Variants in EYA1 observed in about 807,000 individuals in gnomAD.
EYA1 encodes the protein EYA transcriptional coactivator and phosphatase 1.
Under a neutral mutation model 82.0 loss-of-function variants are expected in EYA1, and 16 were observed. The observed-to-expected ratio is 0.20, with a 90% CI of 0.13 to 0.30. The LOEUF is 0.30. Ranked by LOEUF, EYA1 falls within the 10% of genes least tolerant of loss-of-function variation. EYA1 has a pLI of 1.00. For missense variants in EYA1, 633 were observed against 730.7 expected (o/e 0.87, Z 1.54); for synonymous variants, 261 against 264.4 (o/e 0.99, Z 0.12).
At chr8:71,455,397 A>G (rs1807800879) in intron 2 of EYA1, among the ~76,000 whole-genome samples, 1 of 152,198 alleles carries the variant, frequency 6.6e-6, no homozygotes, top group African/African-American at 2.4e-5. Flanking sequence ...AATCCTCCCT[A>G]ACTCATTTTA....
intron 9 of EYA1, among the ~76,000 whole-genome samples, chr8:71,293,963 T>C (rs62506571): frequency 0.051 from 7,617 of 150,728 alleles, 241 homozygotes; most frequent in Non-Finnish European, 0.077. Flanking sequence ...GTATACAAAT[T>C]GGGAAGGAAG....
At chr8:71,401,195 A>G (rs906021356) in intron 2 of EYA1, among the ~76,000 whole-genome samples, 1 of 152,188 alleles carries the variant, frequency 6.6e-6, no homozygotes, top group Non-Finnish European at 1.5e-5. Context: ...CTTCATACCT[A>G]GGTGACAGAT....
intron 2 of EYA1, among the ~76,000 whole-genome samples, chr8:71,519,806 C>T (rs943369317): frequency 5.9e-5 from 9 of 152,218 alleles, no homozygotes; most frequent in Non-Finnish European, 8.8e-5. Context: ...CTATGGTTGG[C>T]CTAGAAGGGA....
At chr8:71,246,961 C>A (rs1327218044) in intron 11 of EYA1, among the ~76,000 whole-genome samples, 1 of 151,484 alleles carries the variant, frequency 6.6e-6, no homozygotes, top group Non-Finnish European at 1.5e-5. Context: ...ACCCTTCCAG[C>A]ACCTCCCACA....
chr8:71,216,814 G>A lies in EYA1; in HGVS notation c.1238C>T (p.Ala413Val), dbSNP rs1325043214. The change falls in exon 14 of 18, where the codon GCA becomes GTA. Residue 413 changes from alanine to valine, a missense_variant. Transcript: ENST00000340726. Reference sequence around the variant, plus strand: ...TGCCAAACATAAGTTAGCACTGGTTGCTGCAGCAGGAAAGCCATCTGTTCC... The same window carrying A: ...TGCCAAACATAAGTTAGCACTGGTTACTGCAGCAGGAAAGCCATCTGTTCC... ...NFGTDGFPAA[A>V]TSANLCLATG... 2 of 1,614,016 alleles carry A rather than the reference G, an allele frequency of 1.2e-6. No homozygotes were observed. The highest frequency in any genetic ancestry group is 1.3e-5 in the African/African-American group (1 of 74,938).
intron 2 of EYA1, chr8:71,404,021 A>C (rs1830089772): frequency 6.6e-6 from 1 of 152,234 alleles, no homozygotes; most frequent in African/African-American, 2.4e-5. Context: ...CCTTTTTGGA[A>C]TTGATTGTTG....
chr8:71,286,810 T>G (rs962351303), intron 9 of EYA1, among the ~76,000 whole-genome samples: 36 of 149,930 alleles, frequency 2.4e-4, no homozygotes, highest in African/African-American at 8.8e-4. Context: ...TTTTTTTTTT[T>G]TTTTTTTTTT....
chr8:71,209,432 G>A lies in EYA1; in HGVS notation c.1698+1724C>T, dbSNP rs562112925. On this transcript the variant is annotated intron_variant, in intron 17 of 17. Coordinates refer to ENST00000340726, the MANE Select transcript of EYA1 (RefSeq NM_000503.6). The stretch of plus-strand genomic sequence containing the variant: ...TGAGCATGAGGAGACCTGAAGTCAC[G>A]TGTGGGTTTCTACCAGCACCAACCA... Among the ~76,000 whole-genome samples the A allele has an allele frequency of 1.2e-4, 18 of 152,300 alleles. No homozygotes were observed. The South Asian group carries it at 2.5e-3, about 21-fold the overall frequency.
chr8:71,361,620 T>C, intron 1 of EYA1, 27 bp downstream of exon 1: 1 of 975,170 alleles, frequency 1.0e-6, no homozygotes, highest in Non-Finnish European at 1.2e-6. Context: ...GTCACTACAA[T>C]TTTTCAAACA....
intron 2 of EYA1, among the ~76,000 whole-genome samples, chr8:71,434,617 C>T (rs548529835): frequency 6.6e-6 from 1 of 152,218 alleles, no homozygotes; most frequent in East Asian, 1.9e-4. Flanking sequence ...AAATACTTCA[C>T]CAGGAACGTC....
chr8:71,509,893 T>G (rs1812467005), intron 2 of EYA1, among the ~76,000 whole-genome samples: 1 of 152,032 alleles, frequency 6.6e-6, no homozygotes, highest in African/African-American at 2.4e-5. Context: ...TAGTGCATAG[T>G]AGAAAGCGCT....
intron 2 of EYA1, among the ~76,000 whole-genome samples, chr8:71,355,520 G>C (rs552514466): frequency 6.6e-6 from 1 of 152,260 alleles, no homozygotes; most frequent in South Asian, 2.1e-4. Flanking sequence ...TGTTTCCCTT[G>C]AAACAAATGC....
At chr8:71,245,187 C>T (rs1812930739) in intron 11 of EYA1, among the ~76,000 whole-genome samples, 1 of 152,106 alleles carries the variant, frequency 6.6e-6, no homozygotes, top group Admixed American at 6.5e-5. Context: ...TGCAGCCCAA[C>T]ACAAATTCAT....
In EYA1 at chr8:71,209,935, T is replaced by C. The variant is rs575957607; in HGVS notation, c.1698+1221A>G. Among the ~76,000 whole-genome samples the C allele has an allele frequency of 2.4e-4, 37 of 152,336 alleles. 2 individuals carry two copies. Among genetic ancestry groups the C allele is most frequent in the Middle Eastern group, 3.4e-3 (1 of 294 alleles). ...TCCCTGAATCTGTGAAGCTCACATT[T>C]CTTTGCTGAAACAGGCACATAAACA... is the stretch of plus-strand genomic sequence containing the variant. On this transcript the variant is annotated intron_variant, in intron 17 of 17. Transcript: ENST00000340726.
chr8:71,392,061 G>A lies in EYA1; in HGVS notation c.34-35550C>T, dbSNP rs113035480. Among the ~76,000 whole-genome samples, 209 of 151,962 alleles carry A rather than the reference G, an allele frequency of 1.4e-3. 1 individual carries two copies. The highest frequency in any genetic ancestry group is 4.9e-3 in the African/African-American group (203 of 41,446). ...AAGCAGAAAGATTAAAGAAGAGAAA[G>A]ATGAAAAAATAATAGAGATTTCCCT... On this transcript the variant is annotated intron_variant, in intron 2 of 18. Coordinates refer to the EYA1 transcript ENST00000643681.
chr8:71,346,397 CACACAT>C (rs753345924), intron 3 of EYA1, among the ~76,000 whole-genome samples: 44 of 147,636 alleles, frequency 3.0e-4, no homozygotes, highest in Non-Finnish European at 5.3e-4. Flanking sequence ...CATACACACA[CACACAT>C]ACACACTTTT....
At chr8:71,498,027 G>A (rs1811544010) in intron 2 of EYA1, among the ~76,000 whole-genome samples, 1 of 152,144 alleles carries the variant, frequency 6.6e-6, no homozygotes, top group Non-Finnish European at 1.5e-5. Context: ...GAGTAGAATG[G>A]TACAGGGACT....
chr8:71,378,706 C>G (rs754085635), intron 2 of EYA1, among the ~76,000 whole-genome samples: 17 of 152,120 alleles, frequency 1.1e-4, no homozygotes, highest in Admixed American at 5.2e-4. Flanking sequence ...ATTTTATAAT[C>G]ATTGGATTGC....
intron 4 of EYA1, among the ~76,000 whole-genome samples, chr8:71,331,526 T>G (rs1206017363): frequency 6.7e-6 from 1 of 149,848 alleles, no homozygotes; most frequent in Non-Finnish European, 1.5e-5. Context: ...ATGTAAAAAT[T>G]TTGAAAATAA....
Sources: gnomAD v4.1 joint callset for allele counts (sites outside exome capture counted in the v4.1 genomes callset) on GRCh38, gnomAD v4.1.1 for gene constraint, MANE v1.5 for transcripts, NCBI Gene and HGNC (gene_info 2026-07-23, HGNC 2026-07-21) for gene names.